Variants in SYT17 observed in about 807,000 individuals in gnomAD.
SYT17 encodes synaptotagmin 17.
SYT17 carries 22 observed loss-of-function variants against 46.7 expected under a neutral mutation model. The ratio of observed to expected loss-of-function variants is 0.47; its 90% CI spans 0.34 to 0.67. The LOEUF is 0.67. Ranked by LOEUF, SYT17 falls within the 30% of genes least tolerant of loss-of-function variation. The probability of loss-of-function intolerance (pLI) is 0.01; values close to 1 mark genes in which losing one functional copy is unlikely to be tolerated. For missense variants in SYT17, 519 were observed against 612.8 expected, an observed-to-expected ratio of 0.85 and a Z score of 1.62; for synonymous variants, 251 against 248.4, an observed-to-expected ratio of 1.01 and a Z score of -0.10.
intron 3 of SYT17, among the ~76,000 whole-genome samples, chr16:19,179,459 G>A (rs990193354): frequency 1.3e-5 from 2 of 152,068 alleles, no homozygotes; most frequent in African/African-American, 2.4e-5. Flanking sequence ...GTAGAGATGG[G>A]TCCTGCTGTG....
At chr16:19,255,219 G>T (rs1014765172) in intron 7 of SYT17, among the ~76,000 whole-genome samples, 3 of 152,118 alleles carry the variant, frequency 2.0e-5, no homozygotes, top group African/African-American at 7.2e-5. Flanking sequence ...GCTTTCCTTT[G>T]GTTGGGAGAG....
At chr16:19,218,925 C>T (rs991447872) in intron 5 of SYT17, among the ~76,000 whole-genome samples, 1 of 152,096 alleles carries the variant, frequency 6.6e-6, no homozygotes, top group African/African-American at 2.4e-5. Context: ...CCCATGAGTC[C>T]CTATCCCTCT....
chr16:19,241,506 G>A (rs1967120038), intron 7 of SYT17, among the ~76,000 whole-genome samples: 1 of 152,198 alleles, frequency 6.6e-6, no homozygotes, highest in African/African-American at 2.4e-5. Context: ...GGAGCATGCT[G>A]GAGCGTGCAG....
At chr16:19,208,881 C>CTTATTTTTTTT (rs1567213098) in intron 5 of SYT17, among the ~76,000 whole-genome samples, 1 of 54,462 alleles carries the variant, frequency 1.8e-5, no homozygotes, top group African/African-American at 7.9e-5. Context: ...CTACAAGGAC[C>CTTATTTTTTTT]TTCTTTTTTT....
At chr16:19,176,554 C>T (rs774852405) in intron 3 of SYT17, among the ~76,000 whole-genome samples, 17 of 152,174 alleles carry the variant, frequency 1.1e-4, no homozygotes, top group Non-Finnish European at 1.5e-4. Context: ...TGAACGGGCA[C>T]GTCTGTGTTT....
chr16:19,193,476 A>G (rs1236568553), intron 5 of SYT17, among the ~76,000 whole-genome samples: 1 of 152,234 alleles, frequency 6.6e-6, no homozygotes, highest in Non-Finnish European at 1.5e-5. Flanking sequence ...TGCCCAAATG[A>G]AAGCCTTTTA....
In SYT17 at chr16:19,233,283, G is replaced by A. The variant is rs542598192; in HGVS notation, c.1228+8445G>A. On this transcript the variant is annotated intron_variant, in intron 7 of 7. Coordinates refer to ENST00000355377, the MANE Select transcript of SYT17 (RefSeq NM_016524.4). ...GGAAGGCACGGCGGGGAATGGGTGG[G>A]AGGCCTGGAGGGCAGCATGCCAGCC... Among the ~76,000 whole-genome samples, 202 of 152,274 alleles carry A rather than the reference G, an allele frequency of 1.3e-3. 1 individual carries two copies. Among genetic ancestry groups the A allele is most frequent in the Non-Finnish European group, 2.1e-3 (144 of 68,016 alleles).
In SYT17 at chr16:19,267,859, TTC is replaced by T. The variant is rs1969464605; in HGVS notation, c.*789_*790del. ...CAGGACCTCAGCCCTGAGCACTGCC[TTC>T]TCTCTGCCTCTCCTGTCCAGTGAGA... On this transcript the variant is annotated 3_prime_UTR_variant, in exon 8 of 8. Transcript: ENST00000355377. The T allele has an allele frequency of 6.6e-6, 1 of 152,254 alleles. No homozygotes were observed. The highest frequency in any genetic ancestry group is 1.5e-5 in the Non-Finnish European group (1 of 68,134). 9.4% of individuals were successfully genotyped at this position (152,254 alleles called of 1,614,324 possible). A position where few individuals can be genotyped will look rare whatever the true frequency, so the allele number is the denominator to read the frequency against.
intron 7 of SYT17, among the ~76,000 whole-genome samples, chr16:19,244,543 C>T (rs1249477402): frequency 6.6e-6 from 1 of 152,022 alleles, no homozygotes; most frequent in African/African-American, 2.4e-5. Flanking sequence ...CTGTTTTGCC[C>T]AAGCTGGTCT....
chr16:19,223,232 G>A (rs544209325), intron 6 of SYT17, 67 bp downstream of exon 6: 53 of 1,578,152 alleles, frequency 3.4e-5, no homozygotes, highest in South Asian at 1.3e-4. Context: ...GGAGAACCCA[G>A]TTTTCTTTTT....
At chr16:19,189,764 C>G (rs60217478) in intron 5 of SYT17, among the ~76,000 whole-genome samples, 7,321 of 152,256 alleles carry the variant, frequency 0.048, 601 homozygotes, top group African/African-American at 0.17. Context: ...CAAAGCTATT[C>G]AATTTCTTAC....
intron 5 of SYT17, among the ~76,000 whole-genome samples, chr16:19,203,108 C>A (rs1461560892): frequency 6.6e-6 from 1 of 152,118 alleles, no homozygotes; most frequent in East Asian, 1.9e-4. Flanking sequence ...ACCTTTCAGG[C>A]ATGAAAGATC....
chr16:19,249,808 C>T, intron 7 of SYT17: 1 of 854,020 alleles, frequency 1.2e-6, no homozygotes, highest in Non-Finnish European at 1.7e-6. Flanking sequence ...GTGTTTCTGG[C>T]CATGCATGGT....
In SYT17 at chr16:19,211,318, C is replaced by A. The variant is rs1447455402; in HGVS notation, c.952-11727C>A. 5.6e-5 allele frequency: 38 copies of A among 675,340 alleles called. 1 individual carries two copies. The South Asian group carries it at 5.8e-4, about 10-fold the overall frequency. The allele number at this position is 675,340 out of a possible 1,614,324, so 41.8% of individuals were successfully genotyped here. On this transcript the variant is annotated intron_variant, in intron 5 of 7. Transcript: ENST00000355377. ...GGGGGTGGAACATCGTGCTGACAAC[C>A]CCTCTCGGCCCGTGGTGTGGCAGCA...
chr16:19,180,268 T>G, intron 3 of SYT17, 123 bp from the exon 4 acceptor site: 1 of 1,017,010 alleles, frequency 9.8e-7, no homozygotes, highest in Non-Finnish European at 1.5e-6. Flanking sequence ...AAATTTGCAT[T>G]ATTCCATGTT....
chr16:19,239,965 G>A (rs1966974699), intron 7 of SYT17, among the ~76,000 whole-genome samples: 1 of 152,230 alleles, frequency 6.6e-6, no homozygotes, highest in South Asian at 2.1e-4. Flanking sequence ...CGAGGCTGCG[G>A]CTGGACCAGG....
At position 19,183,626 on chromosome 16, in the gene SYT17, C is replaced by T. The variant is rs1362244925; in HGVS notation, c.430C>T (p.Leu144Phe). The change falls in exon 5 of 8, where the codon CTC (leucine) becomes TTC (phenylalanine). Residue 144 changes from leucine (L) to phenylalanine (F), a missense_variant. Physicochemically the swap from Leu to Phe is conservative, Grantham distance 22. Transcript: ENST00000355377. This position sits in a 1 kb window ranked among gnomAD's most constrained non-coding sequence, Gnocchi z 5.6. ...GAAGGAGCCCATCCAACCTTCGGTGCTCAGACGGACCTATAACCCCGACGA... is the reference window on the plus strand; with the variant it reads ...GAAGGAGCCCATCCAACCTTCGGTGTTCAGACGGACCTATAACCCCGACGA... ...AKKEPIQPSVLRRTYNPDDYF... is the reference protein window; with the variant it reads ...AKKEPIQPSVFRRTYNPDDYF... 1.9e-6 allele frequency: 3 copies of T among 1,614,176 alleles called. No individual in the cohort carries two copies. Among genetic ancestry groups the T allele is most frequent in the African/African-American group, 1.3e-5 (1 of 75,042 alleles).
rs560557565 is a variant in SYT17, at chr16:19,212,912, A to T, written c.952-10133A>T. 2.4e-3 allele frequency among the ~76,000 whole-genome samples: 366 copies of T among 152,154 alleles called. 3 individuals carry two copies. The highest frequency in any genetic ancestry group is 4.4e-3 in the Non-Finnish European group (297 of 67,988). On this transcript the variant is annotated intron_variant, in intron 5 of 7. Transcript: ENST00000355377. ...TTAAGGAGAAAGAAGAAGGAAGGAA[A>T]TCTTAGCTGGATCTTTCTGGGCTCT...
intron 5 of SYT17, among the ~76,000 whole-genome samples, chr16:19,203,025 G>C (rs1447941769): frequency 6.6e-6 from 1 of 152,088 alleles, no homozygotes; most frequent in Non-Finnish European, 1.5e-5. Context: ...CGGGGACGAG[G>C]ATCCAATATG....
Sources: gnomAD v4.1 joint callset for allele counts (sites outside exome capture counted in the v4.1 genomes callset) on GRCh38, gnomAD v4.1.1 for gene constraint, Gnocchi (gnomAD v3.1) non-coding constraint, MANE v1.5 for transcripts, NCBI Gene and HGNC (gene_info 2026-07-23, HGNC 2026-07-21) for gene names.